GNG7: variants seen among roughly 807,000 people sequenced by gnomAD.
The protein encoded by GNG7 is guanine nucleotide-binding protein G(I)/G(S)/G(O) subunit gamma-7.
In GNG7, 1 loss-of-function variant was observed where a neutral mutation model predicts 4.0. The observed-to-expected ratio is 0.25, with a 90% CI of 0.09 to 1.18. GNG7 has a LOEUF of 1.18. GNG7 is among the 50% of genes most tolerant of loss of function. GNG7 has a pLI of 0.50. For missense variants in GNG7, 86 were observed against 91.9 expected (o/e 0.94, Z 0.26); for synonymous variants, 34 against 36.9 (o/e 0.92, Z 0.29).
intron 2 of GNG7, among the ~76,000 whole-genome samples, chr19:2,627,381 C>T (rs924075711): frequency 2.0e-4 from 30 of 152,156 alleles, no homozygotes; most frequent in African/African-American, 6.8e-4. Flanking sequence ...CTGCATGGCT[C>T]CAGGGGCACC....
At chr19:2,665,603 T>G (rs1599451031) in intron 1 of GNG7, among the ~76,000 whole-genome samples, 1 of 151,982 alleles carries the variant, frequency 6.6e-6, no homozygotes, top group East Asian at 1.9e-4. Flanking sequence ...CAAGGTGGAG[T>G]GCTGGACAAG....
At chr19:2,531,303 C>CAAAAAAAA (rs58133235) in intron 3 of GNG7, among the ~76,000 whole-genome samples, 3 of 95,074 alleles carry the variant, frequency 3.2e-5, no homozygotes, top group Non-Finnish European at 3.9e-5. Context: ...GATTCCGTCT[C>CAAAAAAAA]AAAAAAAAAA....
At chr19:2,645,955 C>T (rs1443986819) in intron 2 of GNG7, among the ~76,000 whole-genome samples, 1 of 152,132 alleles carries the variant, frequency 6.6e-6, no homozygotes, top group East Asian at 1.9e-4. Context: ...CTGTGGGCTT[C>T]CCACCCTGAC....
intron 1 of GNG7, among the ~76,000 whole-genome samples, chr19:2,663,637 C>T (rs1568278515): frequency 6.6e-6 from 1 of 152,138 alleles, no homozygotes; most frequent in African/African-American, 2.4e-5. Context: ...ATCTATCAAC[C>T]TGATAATTGG....
chr19:2,550,259 C>T (rs1242262599), intron 3 of GNG7, among the ~76,000 whole-genome samples: 6 of 152,120 alleles, frequency 3.9e-5, no homozygotes, highest in Non-Finnish European at 7.4e-5. Context: ...GCTCTGTCGC[C>T]GAGGCTGGAG....
At chr19:2,687,270 G>A (rs1262306354) in intron 1 of GNG7, among the ~76,000 whole-genome samples, 2 of 151,882 alleles carry the variant, frequency 1.3e-5, no homozygotes, top group African/African-American at 4.8e-5. Context: ...ATGTTGTCCA[G>A]GCTGGTCTCA....
intron 1 of GNG7, among the ~76,000 whole-genome samples, chr19:2,668,108 T>G (rs1325622146): frequency 2.6e-5 from 4 of 151,904 alleles, no homozygotes; most frequent in African/African-American, 9.7e-5. Context: ...AAACGCACCA[T>G]GCCATTGGAT....
At chr19:2,602,261 C>T (rs926109047) in intron 2 of GNG7, among the ~76,000 whole-genome samples, 5 of 152,000 alleles carry the variant, frequency 3.3e-5, no homozygotes, top group Admixed American at 2.6e-4. Flanking sequence ...TGCTTGAACC[C>T]GGGAGGCAGA....
chr19:2,545,649 TAAA>T lies in GNG7; in HGVS notation c.-38+9497_-38+9499del, dbSNP rs34706450. On this transcript the variant is annotated intron_variant, in intron 3 of 4. Transcript: ENST00000382159. ...CTAAGCAACAAGAGCGAAACTGTCT[TAAA>T]AAAAAAAAAAAAAAAAAAAGGCCAG... Among the ~76,000 whole-genome samples the T allele has an allele frequency of 5.6e-3, 505 of 90,516 alleles. 2 individuals are homozygous for T. Among genetic ancestry groups the T allele is most frequent in the African/African-American group, 0.021 (437 of 21,300 alleles). The allele number at this position is 90,516 out of a possible 152,430, so 59.4% of individuals were successfully genotyped here.
chr19:2,521,902 G>A (rs928129309), intron 3 of GNG7, among the ~76,000 whole-genome samples: 15 of 152,106 alleles, frequency 9.9e-5, no homozygotes, highest in Admixed American at 1.3e-4. Flanking sequence ...GTGTGAGCCC[G>A]GCCTCTCCTC....
intron 2 of GNG7, among the ~76,000 whole-genome samples, chr19:2,605,660 T>C (rs565222732): frequency 2.2e-4 from 33 of 150,032 alleles, no homozygotes; most frequent in Non-Finnish European, 4.0e-4. Flanking sequence ...ATTACAGGCA[T>C]GCGCCACCAC....
At chr19:2,677,757 C>G (rs915875394) in intron 1 of GNG7, among the ~76,000 whole-genome samples, 1 of 152,008 alleles carries the variant, frequency 6.6e-6, no homozygotes, top group Admixed American at 6.5e-5. Flanking sequence ...GATTCTGCCC[C>G]CCATGGGGCA....
chr19:2,675,296 A>G (rs1983566609), intron 1 of GNG7, among the ~76,000 whole-genome samples: 1 of 152,192 alleles, frequency 6.6e-6, no homozygotes, highest in South Asian at 2.1e-4. Flanking sequence ...CCAGCCAGGA[A>G]CAGCAGCAAG....
intron 2 of GNG7, among the ~76,000 whole-genome samples, chr19:2,591,407 T>A (rs539471313): frequency 6.6e-6 from 1 of 152,238 alleles, no homozygotes; most frequent in East Asian, 1.9e-4. Flanking sequence ...TTGGTATTTT[T>A]AAGATTTTCT....
intron 2 of GNG7, among the ~76,000 whole-genome samples, chr19:2,573,660 C>T (rs970937532): frequency 3.3e-5 from 5 of 151,756 alleles, no homozygotes; most frequent in Admixed American, 3.3e-4. Context: ...GTCTTGTTCA[C>T]GGCGAAACCC....
At chr19:2,680,605 C>T (rs542644250) in intron 1 of GNG7, among the ~76,000 whole-genome samples, 125 of 118,522 alleles carry the variant, frequency 1.1e-3, no homozygotes, top group Non-Finnish European at 1.7e-3. Context: ...GATGGAGTTT[C>T]CCTCTTGTTG....
intron 1 of GNG7, among the ~76,000 whole-genome samples, chr19:2,674,596 C>T (rs568633072): frequency 3.3e-5 from 5 of 152,144 alleles, no homozygotes; most frequent in African/African-American, 4.8e-5. Context: ...CAACCATGCC[C>T]GGCTAATTTT....
intron 1 of GNG7, among the ~76,000 whole-genome samples, chr19:2,698,168 G>A (rs1913314988): frequency 6.6e-6 from 1 of 151,900 alleles, no homozygotes; most frequent in Admixed American, 6.6e-5. Context: ...TCGGGAGGCT[G>A]AGGCAGGAGA....
chr19:2,665,367 G>C (rs780977653), intron 1 of GNG7, among the ~76,000 whole-genome samples: 2 of 151,946 alleles, frequency 1.3e-5, no homozygotes, highest in Non-Finnish European at 2.9e-5. Context: ...CCCCTGGGGG[G>C]GGGGGGGCAG....
Sources: gnomAD v4.1 joint callset for allele counts (sites outside exome capture counted in the v4.1 genomes callset) on GRCh38, gnomAD v4.1.1 for gene constraint, MANE v1.5 for transcripts, NCBI Gene and HGNC (gene_info 2026-07-23, HGNC 2026-07-21) for gene names.